GPS1: variants seen among roughly 807,000 people sequenced by gnomAD.
GPS1 encodes the protein COP9 signalosome complex subunit 1.
Under a neutral mutation model 60.0 loss-of-function variants are expected in GPS1, and 11 were observed. The observed-to-expected ratio is 0.18, with a 90% CI of 0.12 to 0.30. The LOEUF (loss-of-function observed/expected upper bound fraction) is 0.30. Ranked by LOEUF, GPS1 falls within the 10% of genes least tolerant of loss-of-function variation. GPS1 has a pLI of 1.00. For missense variants in GPS1, 543 were observed against 669.2 expected (o/e 0.81, Z 2.08); for synonymous variants, 343 against 269.8 (o/e 1.27, Z -2.66).
At chr17:82,051,714 GCCGCGGCCAGCGCGAGGCAGGC>G, upstream of GPS1, 1 of 1,038,950 alleles carries the variant, frequency 9.6e-7, no homozygotes, top group Non-Finnish European at 1.2e-6. The surrounding 1 kb of genome is among the most constrained non-coding windows in gnomAD (Gnocchi z 4.1). Context: ...CGCGGCCAGG[GCCGCGGCCAGCGCGAGGCAGGC>G]CCGGCACAGC....
chr17:82,051,134 C>T (rs961337586), upstream of GPS1: 5 of 1,320,468 alleles, frequency 3.8e-6, no homozygotes, highest in Admixed American at 7.7e-5. The surrounding 1 kb of genome is among the most constrained non-coding windows in gnomAD (Gnocchi z 4.1). Context: ...GCAGGGTGGG[C>T]CCTCCGCAGG....
intron 7 of GPS1, 78 bp from the exon 8 acceptor site, chr17:82,055,923 C>G (rs1157886918): frequency 1.5e-5 from 21 of 1,433,010 alleles, no homozygotes; most frequent in Non-Finnish European, 1.9e-5. Context: ...GGGTCTTAGG[C>G]ATTCTCCGAG....
chr17:82,053,484 C>G (rs1395478997), intron 2 of GPS1, 118 bp downstream of exon 2: 9 of 731,468 alleles, frequency 1.2e-5, no homozygotes, highest in African/African-American at 3.7e-5. Flanking sequence ...TCGCTGTCGT[C>G]TTTTTCTGAC....
intron 12 of GPS1, 37 bp downstream of exon 12, chr17:82,057,011 T>TG (rs1310250289): frequency 6.2e-6 from 10 of 1,611,416 alleles, no homozygotes; most frequent in Non-Finnish European, 8.5e-6. Flanking sequence ...GCACGGCGTG[T>TG]GGGGCCTGGT....
At chr17:82,055,284 C>A in intron 6 of GPS1, 62 bp downstream of exon 6, 1 of 1,486,166 alleles carries the variant, frequency 6.7e-7, no homozygotes, top group Non-Finnish European at 9.2e-7. Context: ...CCTCCCAGCC[C>A]AGGGCAGTAG....
chr17:82,054,891 C>A lies in GPS1; in HGVS notation c.610-7C>A. 6.3e-7 allele frequency: 1 copy of A among 1,576,906 alleles called. No individual in the cohort carries two copies. Among genetic ancestry groups the A allele is most frequent in the Non-Finnish European group, 8.6e-7 (1 of 1,158,928 alleles). On this transcript the variant is annotated splice_region_variant and splice_polypyrimidine_tract_variant and intron_variant, in intron 4 of 12. Transcript: ENST00000578552. The stretch of plus-strand genomic sequence containing the variant: ...CGGGCTCACTTGGCTCTGCGCCCCC[C>A]CGCCAGGTCAGCGTCTACTTGCAGA...
chr17:82,051,091 T>C (rs1310822292), upstream of GPS1: 11 of 1,365,058 alleles, frequency 8.1e-6, no homozygotes, highest in Non-Finnish European at 1.0e-5. The surrounding 1 kb of genome is among the most constrained non-coding windows in gnomAD (Gnocchi z 4.1). Context: ...AAGCGGCTAG[T>C]GTGAGAGGCT....
chr17:82,053,528 A>G, intron 2 of GPS1, 162 bp downstream of exon 2: 1 of 546,718 alleles, frequency 1.8e-6, no homozygotes. Context: ...TTGCGCACTC[A>G]CATGAGGCTT....
At position 82,056,283 on chromosome 17, in the gene GPS1, C is replaced by T. The variant is rs2144633182; in HGVS notation, c.930-3C>T. Reference sequence around the variant, plus strand: ...CAGAGTTCTGAGGGGTCTGCCTCACCAGCTCCTTCAAGTTGTTCTTGGAGC... The same window carrying T: ...CAGAGTTCTGAGGGGTCTGCCTCACTAGCTCCTTCAAGTTGTTCTTGGAGC... On this transcript the variant is annotated splice_polypyrimidine_tract_variant and splice_region_variant and intron_variant, in intron 8 of 12. Transcript: ENST00000578552. 3.1e-6 allele frequency: 5 copies of T among 1,599,892 alleles called. No homozygotes were observed. The highest frequency in any genetic ancestry group is 8.6e-7 in the Non-Finnish European group (1 of 1,167,870).
upstream of GPS1, chr17:82,051,600 C>G (rs1209371800): frequency 6.3e-6 from 8 of 1,276,794 alleles, no homozygotes; most frequent in Non-Finnish European, 7.9e-6. The surrounding 1 kb of genome is among the most constrained non-coding windows in gnomAD (Gnocchi z 4.1). Context: ...GTCGTCAGGC[C>G]GCAGGCTGGG....
In GPS1 at chr17:82,057,441, C is replaced by T. The variant is rs1254500296; in HGVS notation, c.*314C>T. 16 of 561,998 alleles carry T rather than the reference C, an allele frequency of 2.8e-5. No individual in the cohort carries two copies. Among genetic ancestry groups the T allele is most frequent in the Middle Eastern group, 2.7e-4 (1 of 3,740 alleles). The allele number at this position is 561,998 out of a possible 1,614,324, so 34.8% of individuals were successfully genotyped here. On this transcript the variant is annotated 3_prime_UTR_variant, in exon 13 of 13. Coordinates refer to ENST00000578552, the MANE Select transcript of GPS1 (RefSeq NM_001321092.3). ...CCTCAGTCAGGTGCAGACAAGTGGG[C>T]GGTGTCCATTAAAGAGCAGACTCAG...
chr17:82,056,229 GC>G, intron 8 of GPS1, 56 bp from the exon 9 acceptor site: 1 of 1,396,654 alleles, frequency 7.2e-7, no homozygotes, highest in South Asian at 1.2e-5. Flanking sequence ...TGTCCCACTG[GC>G]CACTTGGAGG....
In GPS1 at chr17:82,051,969, C is replaced by G. The variant is rs2030727690; in HGVS notation, c.33+5C>G. On this transcript the variant is annotated splice_donor_5th_base_variant and intron_variant, in intron 1 of 12. Transcript: ENST00000578552. The surrounding 1 kb of genome is among the most constrained non-coding windows in gnomAD (Gnocchi z 4.1). Reference sequence around the variant, plus strand: ...GTTCAGGTGTTTAACTTGCAGGTAACGAGCCGAGGCCGCCCCGGGCCTCCG... The same window carrying G: ...GTTCAGGTGTTTAACTTGCAGGTAAGGAGCCGAGGCCGCCCCGGGCCTCCG... 3 of 1,160,970 alleles carry G rather than the reference C, an allele frequency of 2.6e-6. No homozygotes were observed. Among genetic ancestry groups the G allele is most frequent in the African/African-American group, 1.6e-5 (1 of 61,416 alleles). The allele number at this position is 1,160,970 out of a possible 1,614,324, so 71.9% of individuals were successfully genotyped here.
rs1413102711 is a variant in GPS1, at chr17:82,056,849, G to A, written c.1264G>A (p.Ala422Thr). The A allele has an allele frequency of 1.9e-6, 3 of 1,612,610 alleles. No homozygotes were observed. Among genetic ancestry groups the A allele is most frequent in the East Asian group, 4.5e-5 (2 of 44,878 alleles). ...GCTTGTGCCTGCACAGATCCTATAC[G>A]CCCGGGACGTGGATCAGCGCAGCAC... ...RVDSHSKILY[A>T]RDVDQRSTTF... The change falls in exon 12 of 13, where the codon GCC (alanine) becomes ACC (threonine). Residue 422 changes from alanine (A) to threonine (T), a missense_variant. This residue lies in a region of GPS1 where 291 missense variants were observed against 353.7 expected (regional missense o/e 0.82). Coordinates refer to ENST00000578552, the MANE Select transcript of GPS1 (RefSeq NM_001321092.3).
chr17:82,052,072 C>T, intron 1 of GPS1, 108 bp downstream of exon 1: 1 of 923,134 alleles, frequency 1.1e-6, no homozygotes, highest in Non-Finnish European at 1.3e-6. Context: ...GTCGGTCGGG[C>T]ACGCTCCGTG....
chr17:82,051,487 G>A (rs1191242914), upstream of GPS1: 5 of 1,368,214 alleles, frequency 3.7e-6, no homozygotes, highest in Admixed American at 1.1e-4. The surrounding 1 kb of genome is among the most constrained non-coding windows in gnomAD (Gnocchi z 4.1). Flanking sequence ...GTCGGGGTCG[G>A]GGTCCGGCGC....
At chr17:82,052,634 G>A in intron 1 of GPS1, 1 of 769,424 alleles carries the variant, frequency 1.3e-6, no homozygotes, top group South Asian at 1.9e-5. Flanking sequence ...CGAGCTCTTG[G>A]TGCTTTTCCC....
At position 82,056,700 on chromosome 17, in the gene GPS1, G is replaced by A; in HGVS notation, c.1188G>A (p.Leu396=). The A allele has an allele frequency of 6.3e-7, 1 of 1,594,384 alleles. No individual in the cohort carries two copies. The highest frequency in any genetic ancestry group is 8.6e-7 in the Non-Finnish European group (1 of 1,169,294). Residue 396 remains leucine (L), a synonymous_variant, in exon 11 of 13, where the codon CTG becomes CTA. Coordinates refer to ENST00000578552, the MANE Select transcript of GPS1 (RefSeq NM_001321092.3). ...CCTTCAATACCACGGTGGCCGCCCT[G>A]GAGGACGAGCTGACGCAGCTAATCC... ...AAAFNTTVAA[L]EDELTQLILE... is the part of the protein sequence containing the mutation.
chr17:82,053,607 C>T (rs552303204), intron 2 of GPS1: 67 of 539,350 alleles, frequency 1.2e-4, no homozygotes, highest in Non-Finnish European at 2.0e-4. Flanking sequence ...GCCTAGCGAC[C>T]AGCAGTCACT....
Sources: allele counts gnomAD v4.1 joint callset, GRCh38; gene constraint gnomAD v4.1.1; regional missense constraint gnomAD v4.1.1; non-coding constraint Gnocchi (gnomAD v3.1); transcripts MANE v1.5; gene names NCBI Gene and HGNC (gene_info 2026-07-23, HGNC 2026-07-21).